The following GNB4 variants were observed in gnomAD, a reference collection of about 807,000 sequenced individuals.
GNB4 encodes G protein subunit beta 4.
GNB4 carries 28 observed loss-of-function variants against 45.2 expected under a neutral mutation model. The ratio of observed to expected loss-of-function variants is 0.62; its 90% CI spans 0.46 to 0.85. The LOEUF (loss-of-function observed/expected upper bound fraction) is 0.85, where lower values mean the gene tolerates loss of function less well. GNB4 is among the 40% of genes least tolerant of loss of function. The pLI is 0.00. For synonymous variants in GNB4, 132 were observed against 143.7 expected (o/e 0.92, Z 0.58); for missense variants, 321 against 425.4 (o/e 0.75, Z 2.16).
At chr3:179,496,225 GAAGTT>G in the GNB4 span, among the ~76,000 whole-genome samples, 1 of 152,026 alleles carries the variant, frequency 6.6e-6, no homozygotes, top group Non-Finnish European at 1.5e-5. Context: ...ATATGTAATT[GAAGTT>G]AAGTTTTTAT....
At chr3:179,488,114 T>C in the GNB4 span, among the ~76,000 whole-genome samples, 8 of 152,062 alleles carry the variant, frequency 5.3e-5, no homozygotes, top group African/African-American at 1.9e-4. Context: ...GATCCTCCTG[T>C]TCCAAAAGCC....
chr3:179,459,855 A>C, the GNB4 span, among the ~76,000 whole-genome samples: 1 of 152,160 alleles, frequency 6.6e-6, no homozygotes, highest in Non-Finnish European at 1.5e-5. Flanking sequence ...CACCAGTTGG[A>C]TCTCATAAAC....
Position 179,414,793 on chromosome 3 carries a change from T to C in GNB4, c.430+92A>G, listed in dbSNP as rs1714749081. ...TCCCACCCGATTAATCCTCATCCTT[T>C]AGCCAGCCGAGCACAATCTGTCATT... On this transcript the variant is annotated intron_variant, in intron 6 of 9. Transcript: ENST00000232564. 8.8e-6 allele frequency: 9 copies of C among 1,020,074 alleles called. No individual in the cohort carries two copies. The East Asian group carries it at 2.3e-4, about 26-fold the overall frequency. The allele number at this position is 1,020,074 out of a possible 1,614,324, so 63.2% of individuals were successfully genotyped here. A position where few individuals can be genotyped will look rare whatever the true frequency, so the allele number is the denominator to read the frequency against.
the GNB4 span, among the ~76,000 whole-genome samples, chr3:179,526,924 G>A: frequency 6.6e-6 from 1 of 152,198 alleles, no homozygotes; most frequent in African/African-American, 2.4e-5. Context: ...TTTTATATAT[G>A]AACGGTACAA....
intron 6 of GNB4, 38 bp downstream of exon 6, chr3:179,414,847 G>T: frequency 6.7e-7 from 1 of 1,499,460 alleles, no homozygotes; most frequent in Non-Finnish European, 9.1e-7. Context: ...TCCACACAAG[G>T]AATCGTGTGG....
chr3:179,494,316 AAGAAAGAAAG>A, the GNB4 span, among the ~76,000 whole-genome samples: 1 of 151,912 alleles, frequency 6.6e-6, no homozygotes, highest in East Asian at 1.9e-4. Context: ...GAAGGAAGGA[AAGAAAGAAAG>A]AGAAAGAAAA....
the GNB4 span, among the ~76,000 whole-genome samples, chr3:179,495,473 C>G: frequency 4.1e-5 from 6 of 147,268 alleles, no homozygotes; most frequent in African/African-American, 1.3e-4. Context: ...GAGACCCCAT[C>G]ATGAAAGAAA....
chr3:179,419,383 AATG>A lies in GNB4; in HGVS notation c.203+13_203+15del. 1 of 1,387,474 alleles carries A rather than the reference AATG, an allele frequency of 7.2e-7. No homozygotes were observed. The highest frequency in any genetic ancestry group is 2.3e-5 in the East Asian group (1 of 43,754). The allele number at this position is 1,387,474 out of a possible 1,614,324, so 85.9% of individuals were successfully genotyped here. ...CTGCAACAGTTTAAAAATGACAGGT[AATG>A]ACAGGTACAAACCTGGAATCGTATC... On this transcript the variant is annotated intron_variant, in intron 4 of 9. Transcript: ENST00000232564.
the GNB4 span, among the ~76,000 whole-genome samples, chr3:179,515,315 G>A: frequency 7.2e-5 from 11 of 152,212 alleles, no homozygotes; most frequent in South Asian, 2.1e-4. Flanking sequence ...TGTCATGCAC[G>A]TCCACGTGAA....
the GNB4 span, among the ~76,000 whole-genome samples, chr3:179,470,857 A>C: frequency 6.6e-6 from 1 of 152,180 alleles, no homozygotes; most frequent in Non-Finnish European, 1.5e-5. Context: ...CAAAAAGTTT[A>C]AAAATAATTT....
intron 1 of GNB4, among the ~76,000 whole-genome samples, chr3:179,443,531 G>A (rs756707112): frequency 1.1e-4 from 17 of 152,016 alleles, no homozygotes; most frequent in Admixed American, 2.0e-4. Context: ...TGAGTGAGAC[G>A]TCTCAAAAAA....
the GNB4 span, among the ~76,000 whole-genome samples, chr3:179,458,502 T>C: frequency 6.6e-6 from 1 of 152,230 alleles, no homozygotes; most frequent in African/African-American, 2.4e-5. Context: ...AAAAAACTAT[T>C]ATTAACTATT....
intron 1 of GNB4, among the ~76,000 whole-genome samples, chr3:179,440,257 A>G (rs1321692353): frequency 6.6e-6 from 1 of 152,192 alleles, no homozygotes; most frequent in Non-Finnish European, 1.5e-5. Context: ...TTGAAGAAAT[A>G]TAAGAATGAA....
chr3:179,521,188 A>G, the GNB4 span, among the ~76,000 whole-genome samples: 3 of 152,194 alleles, frequency 2.0e-5, no homozygotes, highest in Non-Finnish European at 1.5e-5. Flanking sequence ...TCTGTCAGAC[A>G]TAATTCCTCG....
At chr3:179,420,165 T>C (rs887185738) in intron 3 of GNB4, among the ~76,000 whole-genome samples, 12 of 150,594 alleles carry the variant, frequency 8.0e-5, no homozygotes, top group Non-Finnish European at 1.6e-4. Context: ...GAGTCTCACT[T>C]TGTCTCCTGG....
chr3:179,428,496 T>A (rs1023667120), intron 1 of GNB4, among the ~76,000 whole-genome samples: 1 of 152,164 alleles, frequency 6.6e-6, no homozygotes, highest in African/African-American at 2.4e-5. Flanking sequence ...TCCTGAGATA[T>A]CCCTGGCCCC....
At chr3:179,470,777 C>G in the GNB4 span, among the ~76,000 whole-genome samples, 1 of 151,622 alleles carries the variant, frequency 6.6e-6, no homozygotes, top group African/African-American at 2.4e-5. Flanking sequence ...TCACCGTGCC[C>G]GCAAGAAAAT....
the GNB4 span, among the ~76,000 whole-genome samples, chr3:179,491,151 T>C: frequency 6.6e-6 from 1 of 152,120 alleles, no homozygotes; most frequent in South Asian, 2.1e-4. Flanking sequence ...AAATAGAGAA[T>C]ATAAGGAAGA....
upstream of GNB4, among the ~76,000 whole-genome samples, chr3:179,453,131 T>A (rs553660504): frequency 7.9e-5 from 12 of 152,290 alleles, no homozygotes; most frequent in South Asian, 2.3e-3. Context: ...GCCCACATTC[T>A]TTCTTTTTTT....
Sources: gnomAD v4.1 joint callset for allele counts (sites outside exome capture counted in the v4.1 genomes callset) on GRCh38, gnomAD v4.1.1 for gene constraint, MANE v1.5 for transcripts, NCBI Gene and HGNC (gene_info 2026-07-23, HGNC 2026-07-21) for gene names.